TNIP3: variants seen among roughly 807,000 people sequenced by gnomAD.
TNIP3 encodes the protein TNFAIP3-interacting protein 3.
In TNIP3, 34 loss-of-function variants were observed where a neutral mutation model predicts 54.1. That is an observed-to-expected ratio of 0.63 (90% confidence interval 0.48 to 0.84). The LOEUF (loss-of-function observed/expected upper bound fraction) is 0.84, where lower values mean the gene tolerates loss of function less well. Ranked by LOEUF, TNIP3 falls within the 40% of genes least tolerant of loss-of-function variation. The probability of loss-of-function intolerance (pLI) is 0.00; values close to 1 mark genes in which losing one functional copy is unlikely to be tolerated. For synonymous variants in TNIP3, 134 were observed against 136.8 expected (o/e 0.98, Z 0.14); for missense variants, 366 against 387.6 (o/e 0.94, Z 0.47).
chr4:121,152,984 T>G (rs11098605), intron 5 of TNIP3, among the ~76,000 whole-genome samples: 24,247 of 152,028 alleles, frequency 0.16, 2,217 homozygotes, highest in Middle Eastern at 0.25. Flanking sequence ...TATATATACA[T>G]TAGATAGTAA....
intron 2 of TNIP3, among the ~76,000 whole-genome samples, chr4:121,200,225 T>C (rs1213184617): frequency 6.6e-6 from 1 of 152,112 alleles, no homozygotes; most frequent in Non-Finnish European, 1.5e-5. Context: ...CCCCTGAGAA[T>C]GCTGAACAAT....
At chr4:121,223,854 C>A (rs1727148008) in intron 1 of TNIP3, among the ~76,000 whole-genome samples, 1 of 152,102 alleles carries the variant, frequency 6.6e-6, no homozygotes, top group South Asian at 2.1e-4. Context: ...GCAATAGAAG[C>A]AATATCAGAG....
Position 121,157,135 on chromosome 4 carries a change from T to A in TNIP3, c.322A>T (p.Arg108Trp). 6.2e-7 allele frequency: 1 copy of A among 1,613,250 alleles called. No individual in the cohort carries two copies. The change falls in exon 4 of 11, where the codon AGG (arginine) becomes TGG (tryptophan). Residue 108 changes from arginine (R) to tryptophan (W), a missense_variant. Arg to Trp is a moderately radical substitution (Grantham distance 101, BLOSUM62 -3). Transcript: ENST00000057513. ...CGGTCCCGGGTCAGGTCGCGCTGCC[T>A]GTCGTCCTCTCTCTGCCTGTCGTCC... Reference protein sequence around the residue: ...RKDDRQREDDRQRDLTRDRLQ... With the variant: ...RKDDRQREDDWQRDLTRDRLQ...
At chr4:121,177,910 G>T (rs1023604459) in intron 3 of TNIP3, among the ~76,000 whole-genome samples, 3 of 152,180 alleles carry the variant, frequency 2.0e-5, no homozygotes, top group African/African-American at 7.2e-5. Flanking sequence ...GACAATTGAG[G>T]AGGATATGCC....
chr4:121,222,810 T>TTTTTTTG (rs1193159367), intron 1 of TNIP3, among the ~76,000 whole-genome samples: 14 of 141,952 alleles, frequency 9.9e-5, no homozygotes, highest in African/African-American at 3.5e-4. Flanking sequence ...GTGCGTTTTT[T>TTTTTTTG]TTTTTTTTTT....
chr4:121,149,346 G>A (rs1328004512), intron 6 of TNIP3, among the ~76,000 whole-genome samples: 1 of 152,216 alleles, frequency 6.6e-6, no homozygotes, highest in Non-Finnish European at 1.5e-5. Context: ...ATTATAATAA[G>A]TACAAAGTAT....
At chr4:121,210,023 G>A (rs553184049) in intron 2 of TNIP3, among the ~76,000 whole-genome samples, 218 of 152,184 alleles carry the variant, frequency 1.4e-3, no homozygotes, top group Non-Finnish European at 2.3e-3. Context: ...CCTAAGAAGC[G>A]TGATTTGAAC....
At chr4:121,158,776 A>C (rs1327598620) in intron 2 of TNIP3, 24 bp from the exon 3 acceptor site, 1 of 1,589,688 alleles carries the variant, frequency 6.3e-7, no homozygotes, top group Non-Finnish European at 8.6e-7. Flanking sequence ...AATTTGGTGA[A>C]TCAACAAAGA....
upstream of TNIP3, among the ~76,000 whole-genome samples, chr4:121,217,781 G>A (rs1726861756): frequency 6.6e-6 from 1 of 152,114 alleles, no homozygotes; most frequent in Non-Finnish European, 1.5e-5. Flanking sequence ...TTTGTAGTAA[G>A]GTTTTTAAAA....
chr4:121,155,976 A>G (rs570514177), intron 4 of TNIP3, among the ~76,000 whole-genome samples: 14 of 152,340 alleles, frequency 9.2e-5, no homozygotes, highest in Non-Finnish European at 1.6e-4. Context: ...GCATAATTTA[A>G]GAGAAAATTA....
At chr4:121,175,512 C>G (rs950238359) in intron 3 of TNIP3, among the ~76,000 whole-genome samples, 2 of 152,208 alleles carry the variant, frequency 1.3e-5, no homozygotes, top group African/African-American at 4.8e-5. Context: ...TTGGAGCAGC[C>G]AGGACTGCTG....
upstream of TNIP3, among the ~76,000 whole-genome samples, chr4:121,168,429 G>A (rs1056937995): frequency 6.6e-6 from 1 of 151,846 alleles, no homozygotes; most frequent in African/African-American, 2.4e-5. Flanking sequence ...TCGAACTTCT[G>A]ACCTTGTGAT....
chr4:121,195,253 A>G (rs1460160831), intron 2 of TNIP3, among the ~76,000 whole-genome samples: 2 of 152,204 alleles, frequency 1.3e-5, no homozygotes, highest in Admixed American at 1.3e-4. Context: ...TTCAAAATCA[A>G]CTGTCTATAT....
chr4:121,150,060 G>A (rs1387441515), intron 6 of TNIP3, 43 bp downstream of exon 6: 1 of 1,226,364 alleles, frequency 8.2e-7, no homozygotes, highest in Non-Finnish European at 1.2e-6. Context: ...TGAAAAATGG[G>A]CAGTATGTTC....
chr4:121,162,148 C>T (rs571036061), intron 1 of TNIP3, among the ~76,000 whole-genome samples: 16 of 152,298 alleles, frequency 1.1e-4, no homozygotes, highest in African/African-American at 3.6e-4. Flanking sequence ...TGTTGTTGGT[C>T]TTTGCCAGAA....
At chr4:121,152,358 A>T (rs2148807649) in intron 5 of TNIP3, among the ~76,000 whole-genome samples, 1 of 152,294 alleles carries the variant, frequency 6.6e-6, no homozygotes, top group Admixed American at 6.5e-5. Flanking sequence ...ATAAGACAAA[A>T]ATCTACTGTC....
chr4:121,176,500 C>T (rs1724351923), intron 3 of TNIP3, among the ~76,000 whole-genome samples: 1 of 145,866 alleles, frequency 6.9e-6, no homozygotes, highest in South Asian at 2.3e-4. Context: ...GGCTCAAGCT[C>T]ATCCTACTAG....
intron 2 of TNIP3, among the ~76,000 whole-genome samples, chr4:121,191,575 T>C (rs148431999): frequency 1.0e-3 from 154 of 152,362 alleles, no homozygotes; most frequent in Non-Finnish European, 1.9e-3. Context: ...GTGTCAACTA[T>C]AGTTGTCCTT....
intron 3 of TNIP3, among the ~76,000 whole-genome samples, chr4:121,182,044 T>C (rs1177917019): frequency 1.3e-5 from 2 of 152,200 alleles, no homozygotes; most frequent in East Asian, 3.9e-4. Flanking sequence ...CATTAGATTT[T>C]TTTTTTTAGT....
Sources: allele counts gnomAD v4.1 joint callset (sites outside exome capture counted in the v4.1 genomes callset), GRCh38; gene constraint gnomAD v4.1.1; transcripts MANE v1.5; gene names NCBI Gene and HGNC (gene_info 2026-07-23, HGNC 2026-07-21).